FRMD3: variants seen among roughly 807,000 people sequenced by gnomAD.
The protein encoded by FRMD3 is FERM domain containing 3, also known as FERM domain-containing protein 3.
FRMD3 carries 33 observed loss-of-function variants against 70.2 expected under a neutral mutation model. The observed-to-expected ratio is 0.47, with a 90% CI of 0.36 to 0.63. The LOEUF (loss-of-function observed/expected upper bound fraction) is 0.63. Among genes scored for constraint, FRMD3 ranks in the 20% least tolerant of loss-of-function variants. The pLI is 0.00. For missense variants in FRMD3, 632 were observed against 711.4 expected, an observed-to-expected ratio of 0.89 and a Z score of 1.27; for synonymous variants, 279 against 255.9, an observed-to-expected ratio of 1.09 and a Z score of -0.86.
At chr9:83,406,612 C>T (rs1826111612) in intron 1 of FRMD3, among the ~76,000 whole-genome samples, 1 of 152,226 alleles carries the variant, frequency 6.6e-6, no homozygotes, top group Non-Finnish European at 1.5e-5. Flanking sequence ...CCTCCCAGAT[C>T]AGAACGTAAC....
At chr9:83,332,621 C>T (rs1410969939) in intron 6 of FRMD3, among the ~76,000 whole-genome samples, 1 of 152,162 alleles carries the variant, frequency 6.6e-6, no homozygotes, top group Non-Finnish European at 1.5e-5. Flanking sequence ...ACCACCCCCT[C>T]CTGAGGTAAA....
rs113184422 is a variant in FRMD3 at position 83,356,238 on chromosome 9, G to A, written c.296-6481C>T. On this transcript the variant is annotated intron_variant, in intron 3 of 13. Coordinates refer to ENST00000304195, the MANE Select transcript of FRMD3 (RefSeq NM_174938.6). ...AGTCAAATCTTTTAAAGATCAGATA[G>A]GATTTTTTGAGAGAGAAGCATCACT... is the stretch of plus-strand genomic sequence containing the variant. Among the ~76,000 whole-genome samples the A allele has an allele frequency of 2.7e-5, 4 of 149,824 alleles. No homozygotes were observed. In the East Asian group the frequency reaches 7.8e-4, roughly 29 times the overall value.
At chr9:83,326,980 A>G (rs886257417) in intron 6 of FRMD3, among the ~76,000 whole-genome samples, 1 of 152,222 alleles carries the variant, frequency 6.6e-6, no homozygotes, top group East Asian at 1.9e-4. Flanking sequence ...ATACCATTAC[A>G]TACAGTACAA....
At chr9:83,332,346 C>A (rs565498898) in intron 6 of FRMD3, among the ~76,000 whole-genome samples, 166 of 152,014 alleles carry the variant, frequency 1.1e-3, no homozygotes, top group Non-Finnish European at 2.1e-3. Flanking sequence ...CTTCTTAAAA[C>A]TCCAAGGAAG....
At chr9:83,467,304 G>A (rs1047815609) in intron 1 of FRMD3, among the ~76,000 whole-genome samples, 9 of 152,186 alleles carry the variant, frequency 5.9e-5, no homozygotes, top group African/African-American at 2.2e-4. Context: ...GCTGTTGTCT[G>A]TGCTTTGGTC....
At chr9:83,317,026 A>G (rs1249304405) in intron 6 of FRMD3, among the ~76,000 whole-genome samples, 1 of 152,110 alleles carries the variant, frequency 6.6e-6, no homozygotes, top group Non-Finnish European at 1.5e-5. Flanking sequence ...CAATGTAGCA[A>G]GGTCACTTCT....
intron 6 of FRMD3, among the ~76,000 whole-genome samples, chr9:83,328,417 C>G (rs1000492574): frequency 6.6e-6 from 1 of 152,204 alleles, no homozygotes; most frequent in Non-Finnish European, 1.5e-5. Flanking sequence ...CTACATACAT[C>G]TGGGTCACAG....
Position 83,283,253 on chromosome 9 carries a change from G to A in FRMD3, c.1195+7350C>T, listed in dbSNP as rs1205279536. 3.9e-5 allele frequency among the ~76,000 whole-genome samples: 6 copies of A among 152,196 alleles called. No individual in the cohort carries two copies. In the South Asian group the frequency reaches 6.2e-4, roughly 16 times the overall value. Reference sequence around the variant, plus strand: ...TTCAAGAATCCAATAGGTGTTGGCCGGGCGCGGTGGTTCACGCCTGTAATC... The same window carrying A: ...TTCAAGAATCCAATAGGTGTTGGCCAGGCGCGGTGGTTCACGCCTGTAATC... On this transcript the variant is annotated intron_variant, in intron 13 of 13. Coordinates refer to ENST00000304195, the MANE Select transcript of FRMD3 (RefSeq NM_174938.6).
intron 3 of FRMD3, among the ~76,000 whole-genome samples, chr9:83,362,785 TTCC>T (rs1337228995): frequency 2.8e-5 from 4 of 145,058 alleles, no homozygotes; most frequent in African/African-American, 1.0e-4. Flanking sequence ...CCTTATTTCC[TTCC>T]CTCCTTCCTT....
intron 12 of FRMD3, among the ~76,000 whole-genome samples, chr9:83,294,259 T>G (rs1834566986): frequency 6.6e-6 from 1 of 152,212 alleles, no homozygotes; most frequent in African/African-American, 2.4e-5. Flanking sequence ...GTTTGCCAGA[T>G]GCTCAATCTG....
At chr9:83,447,808 G>A (rs536898537) in intron 1 of FRMD3, among the ~76,000 whole-genome samples, 2 of 152,190 alleles carry the variant, frequency 1.3e-5, no homozygotes, top group African/African-American at 2.4e-5. Context: ...ACACCACCAT[G>A]TTCTGGCCGA....
At chr9:83,401,673 T>C (rs1363363197) in intron 1 of FRMD3, among the ~76,000 whole-genome samples, 2 of 152,196 alleles carry the variant, frequency 1.3e-5, no homozygotes, top group African/African-American at 4.8e-5. Context: ...GGATTCCTCT[T>C]AACAGCTGTT....
chr9:83,476,468 G>A (rs1488646293), intron 1 of FRMD3, among the ~76,000 whole-genome samples: 1 of 152,114 alleles, frequency 6.6e-6, no homozygotes, highest in Non-Finnish European at 1.5e-5. Context: ...TTGAAGAAGT[G>A]CTGGTTTAGT....
chr9:83,313,549 G>T, intron 7 of FRMD3, 111 bp downstream of exon 7: 2 of 831,704 alleles, frequency 2.4e-6, no homozygotes. Context: ...GAGGGACCGT[G>T]GGCCAAGCTG....
chr9:83,323,289 G>A (rs1222483117), intron 6 of FRMD3, among the ~76,000 whole-genome samples: 1 of 152,164 alleles, frequency 6.6e-6, no homozygotes, highest in Non-Finnish European at 1.5e-5. Flanking sequence ...TCTATCAAGA[G>A]TAGAATGAAT....
At chr9:83,483,097 T>C (rs780807816) in intron 1 of FRMD3, among the ~76,000 whole-genome samples, 3 of 152,130 alleles carry the variant, frequency 2.0e-5, no homozygotes, top group Non-Finnish European at 4.4e-5. Flanking sequence ...AATCCCCACG[T>C]GTTGGAGGAG....
chr9:83,478,723 G>T lies in FRMD3; in HGVS notation c.147+59362C>A, dbSNP rs1338445170. Among the ~76,000 whole-genome samples the T allele has an allele frequency of 3.3e-5, 5 of 152,276 alleles. No individual in the cohort carries two copies. In the East Asian group the frequency reaches 9.7e-4, roughly 29 times the overall value. ...GGAGTGTTCACAGCCACATTATTCA[G>T]AAAAGCCAGTAAGTGGAAACAACAC... On this transcript the variant is annotated intron_variant, in intron 1 of 13. Transcript: ENST00000304195.
intron 1 of FRMD3, among the ~76,000 whole-genome samples, chr9:83,394,451 C>T (rs1465096988): frequency 2.0e-5 from 3 of 152,132 alleles, no homozygotes; most frequent in Non-Finnish European, 2.9e-5. Context: ...ATCTCTATCT[C>T]CTGGTCTGTA....
intron 1 of FRMD3, among the ~76,000 whole-genome samples, chr9:83,531,651 C>A (rs759055152): frequency 5.9e-5 from 9 of 152,146 alleles, no homozygotes; most frequent in Non-Finnish European, 1.2e-4. Context: ...CCAGCTGGAC[C>A]TAGCTTGGAT....
Sources: allele counts gnomAD v4.1 joint callset (sites outside exome capture counted in the v4.1 genomes callset), GRCh38; gene constraint gnomAD v4.1.1; transcripts MANE v1.5; gene names NCBI Gene and HGNC (gene_info 2026-07-23, HGNC 2026-07-21).